The following GALNTL6 variants were observed in gnomAD, a reference collection of about 807,000 sequenced individuals.
GALNTL6 encodes polypeptide N-acetylgalactosaminyltransferase-like 6.
GALNTL6 carries 46 observed loss-of-function variants against 73.7 expected under a neutral mutation model. The ratio of observed to expected loss-of-function variants is 0.62; its 90% CI spans 0.49 to 0.80. GALNTL6 has a LOEUF of 0.80. Among genes scored for constraint, GALNTL6 ranks in the 30% least tolerant of loss-of-function variants. GALNTL6 has a pLI of 0.00. For synonymous variants in GALNTL6, 259 were observed against 263.7 expected (o/e 0.98, Z 0.17); for missense variants, 604 against 755.0 (o/e 0.80, Z 2.34).
chr4:172,883,261 A>G (rs897411221), intron 8 of GALNTL6, among the ~76,000 whole-genome samples: 3 of 152,180 alleles, frequency 2.0e-5, no homozygotes, highest in Non-Finnish European at 4.4e-5. Flanking sequence ...TATACAATAA[A>G]TTATTGTGAA....
intron 5 of GALNTL6, among the ~76,000 whole-genome samples, chr4:172,766,424 T>C (rs971806310): frequency 7.9e-5 from 12 of 152,158 alleles, no homozygotes; most frequent in African/African-American, 2.7e-4. Flanking sequence ...AAGTCTATGC[T>C]TTACATTAAA....
chr4:172,804,814 T>G (rs1044354622), intron 5 of GALNTL6, among the ~76,000 whole-genome samples: 2 of 152,224 alleles, frequency 1.3e-5, no homozygotes, highest in African/African-American at 4.8e-5. Flanking sequence ...GGCAGTCTCA[T>G]AGACAGTGAA....
intron 5 of GALNTL6, among the ~76,000 whole-genome samples, chr4:172,768,608 A>G (rs922026462): frequency 6.6e-6 from 1 of 152,204 alleles, no homozygotes; most frequent in Non-Finnish European, 1.5e-5. Context: ...ATATTTATAA[A>G]CATTCCTGGA....
chr4:172,258,619 A>C (rs1738160245), intron 3 of GALNTL6, among the ~76,000 whole-genome samples: 1 of 151,314 alleles, frequency 6.6e-6, no homozygotes, highest in Non-Finnish European at 1.5e-5. Context: ...TTATTTCAGT[A>C]GTTTTCAGGG....
chr4:172,034,395 CGTGCGTGTGTGTGT>C (rs1264640413), intron 2 of GALNTL6, among the ~76,000 whole-genome samples: 1,758 of 139,688 alleles, frequency 0.013, 38 homozygotes, highest in Admixed American at 0.032. Context: ...GGGGAGCGTG[CGTGCGTGTGTGTGT>C]GTGTGTGTGT....
intron 5 of GALNTL6, among the ~76,000 whole-genome samples, chr4:172,562,420 C>T (rs1037737341): frequency 5.3e-5 from 8 of 152,202 alleles, no homozygotes; most frequent in African/African-American, 1.9e-4. Context: ...GGGCCCCATT[C>T]TGGCCCTGGG....
rs575981428 is a variant in GALNTL6 at position 173,021,017 on chromosome 4, G to T, written c.1489-459G>T. ...GAACCTGGGAGGTGGAGGATGCAGTGAGCCGAGATCGCACCACTGCACTCC... is the reference window on the plus strand; with the variant it reads ...GAACCTGGGAGGTGGAGGATGCAGTTAGCCGAGATCGCACCACTGCACTCC... On this transcript the variant is annotated intron_variant, in intron 11 of 12. Coordinates refer to ENST00000506823, the MANE Select transcript of GALNTL6 (RefSeq NM_001034845.3). Among the ~76,000 whole-genome samples, 138 of 152,304 alleles carry T rather than the reference G, an allele frequency of 9.1e-4. 1 individual carries two copies. The highest frequency in any genetic ancestry group is 2.8e-3 in the African/African-American group (118 of 41,558).
intron 8 of GALNTL6, among the ~76,000 whole-genome samples, chr4:172,905,098 T>A (rs1191072296): frequency 6.6e-6 from 1 of 152,164 alleles, no homozygotes; most frequent in African/African-American, 2.4e-5. Flanking sequence ...AGTAACGGGT[T>A]AGCACTTAAA....
At chr4:172,243,900 G>C (rs1275030878) in intron 3 of GALNTL6, among the ~76,000 whole-genome samples, 7 of 152,134 alleles carry the variant, frequency 4.6e-5, no homozygotes, top group Non-Finnish European at 1.0e-4. Flanking sequence ...ATTGCCTTCA[G>C]AAAGTAAAAA....
At chr4:172,959,141 A>C (rs189480515) in intron 10 of GALNTL6, among the ~76,000 whole-genome samples, 1 of 152,198 alleles carries the variant, frequency 6.6e-6, no homozygotes, top group Non-Finnish European at 1.5e-5. Flanking sequence ...AAGGGTGATT[A>C]GGTTTTAATG....
chr4:172,026,005 C>T (rs1313632385), intron 2 of GALNTL6, among the ~76,000 whole-genome samples: 2 of 151,850 alleles, frequency 1.3e-5, no homozygotes, highest in South Asian at 2.1e-4. Context: ...GTGAGAACAT[C>T]ATTATATTTA....
At chr4:172,532,686 A>C (rs1735205888) in intron 5 of GALNTL6, among the ~76,000 whole-genome samples, 1 of 152,190 alleles carries the variant, frequency 6.6e-6, no homozygotes, top group Admixed American at 6.5e-5. Context: ...GAACTTAATT[A>C]TTTATAGTCA....
intron 2 of GALNTL6, among the ~76,000 whole-genome samples, chr4:172,031,410 A>T (rs1205858712): frequency 2.0e-5 from 3 of 152,120 alleles, no homozygotes; most frequent in Admixed American, 6.6e-5. Context: ...AACTTACAAG[A>T]CGTGCTCCTT....
At chr4:172,702,825 G>GT (rs71592092) in intron 5 of GALNTL6, among the ~76,000 whole-genome samples, 52,128 of 151,316 alleles carry the variant, frequency 0.34, 9,572 homozygotes, top group Middle Eastern at 0.49. Flanking sequence ...ACACTTTATA[G>GT]TTTTTTTTGT....
At chr4:171,909,680 G>T (rs770420612) in intron 2 of GALNTL6, among the ~76,000 whole-genome samples, 2 of 152,110 alleles carry the variant, frequency 1.3e-5, no homozygotes, top group Non-Finnish European at 2.9e-5. Context: ...TGAAAATGAA[G>T]AAGAATAGGA....
At chr4:172,193,507 C>T (rs1166531136) in intron 2 of GALNTL6, among the ~76,000 whole-genome samples, 1 of 151,812 alleles carries the variant, frequency 6.6e-6, no homozygotes, top group Non-Finnish European at 1.5e-5. Flanking sequence ...CAAAAAATAC[C>T]CCACAAAAAC....
At chr4:172,895,384 TTA>T (rs200533676) in intron 8 of GALNTL6, among the ~76,000 whole-genome samples, 7,043 of 117,934 alleles carry the variant, frequency 0.06, 338 homozygotes, top group African/African-American at 0.19. Flanking sequence ...AGTGTTTTTG[TTA>T]TATATATATA....
At chr4:172,381,219 T>A (rs974631003) in intron 5 of GALNTL6, among the ~76,000 whole-genome samples, 11 of 152,222 alleles carry the variant, frequency 7.2e-5, no homozygotes, top group Non-Finnish European at 1.5e-4. Context: ...AAATGATTAT[T>A]TCCTTTAAAG....
At chr4:172,039,508 T>C (rs947971388) in intron 2 of GALNTL6, among the ~76,000 whole-genome samples, 6 of 152,124 alleles carry the variant, frequency 3.9e-5, no homozygotes, top group African/African-American at 1.4e-4. Flanking sequence ...CATGGGGAGA[T>C]TCCCACCATT....
Sources: gnomAD v4.1 joint callset for allele counts (sites outside exome capture counted in the v4.1 genomes callset) on GRCh38, gnomAD v4.1.1 for gene constraint, MANE v1.5 for transcripts, NCBI Gene and HGNC (gene_info 2026-07-23, HGNC 2026-07-21) for gene names.